Variants in PRH1 observed in about 807,000 individuals in gnomAD.
PRH1 encodes proline rich protein HaeIII subfamily 1.
A neutral mutation model predicts 7.9 loss-of-function variants in PRH1; 7 were observed. The ratio of observed to expected loss-of-function variants is 0.89; its 90% CI spans 0.50 to 1.67. The LOEUF is 1.67. PRH1 is among the 40% of genes most tolerant of loss of function. PRH1 has a pLI of 0.00. For missense variants in PRH1, 109 were observed against 223.6 expected (o/e 0.49, Z 3.27); for synonymous variants, 45 against 80.8 (o/e 0.56, Z 2.38).
At chr12:11,103,461 T>C (rs1010126840) in intron 1 of PRH1, among the ~76,000 whole-genome samples, 2 of 151,792 alleles carry the variant, frequency 1.3e-5, no homozygotes, top group African/African-American at 4.8e-5. Flanking sequence ...ACTCCACGTG[T>C]TCTCACTCAT....
chr12:11,049,174 G>A (rs1474990228), upstream of PRH1: 3 of 1,140,438 alleles, frequency 2.6e-6, no homozygotes, highest in East Asian at 5.8e-5. Context: ...ACCTACTAGA[G>A]CTATGAAGCC....
intron 1 of PRH1, among the ~76,000 whole-genome samples, chr12:11,110,602 C>A (rs532200427): frequency 8.5e-5 from 13 of 152,256 alleles, no homozygotes; most frequent in Non-Finnish European, 1.8e-4. Flanking sequence ...CAAGCAAATG[C>A]TAAGAGATTT....
chr12:11,000,839 T>C (rs1344504123), intron 1 of PRH1, among the ~76,000 whole-genome samples: 1 of 152,132 alleles, frequency 6.6e-6, no homozygotes, highest in African/African-American at 2.4e-5. Flanking sequence ...ACTCTGTCTA[T>C]TGGATTCTCA....
chr12:11,061,450 C>T, intron 1 of PRH1: 1 of 1,614,124 alleles, frequency 6.2e-7, no homozygotes, highest in Non-Finnish European at 8.5e-7. Context: ...CTTCTTGTTT[C>T]CCCAAATCAG....
chr12:10,996,118 C>A (rs1940216584), intron 1 of PRH1, among the ~76,000 whole-genome samples: 1 of 151,484 alleles, frequency 6.6e-6, no homozygotes, highest in Admixed American at 6.6e-5. Context: ...GAGTTCGAGA[C>A]CAGCCTGGCC....
At chr12:10,987,373 A>G (rs1166127701) in intron 1 of PRH1, among the ~76,000 whole-genome samples, 1 of 152,112 alleles carries the variant, frequency 6.6e-6, no homozygotes, top group African/African-American at 2.4e-5. Flanking sequence ...CGGATTTACT[A>G]TTTATGCTAC....
intron 2 of PRH1, among the ~76,000 whole-genome samples, chr12:10,907,768 C>G (rs976403909): frequency 6.6e-6 from 1 of 151,840 alleles, no homozygotes; most frequent in African/African-American, 2.4e-5. Context: ...GTAAATTATA[C>G]CTCAATAATA....
At chr12:11,137,828 A>C (rs1304468500) in intron 1 of PRH1, among the ~76,000 whole-genome samples, 3 of 152,164 alleles carry the variant, frequency 2.0e-5, no homozygotes, top group Non-Finnish European at 2.9e-5. Context: ...ATTTAATGAG[A>C]TAGATGTGGA....
chr12:11,015,205 G>A (rs183586612), intron 1 of PRH1, among the ~76,000 whole-genome samples: 1 of 152,402 alleles, frequency 6.6e-6, no homozygotes, highest in East Asian at 1.9e-4. Context: ...CCACACATGT[G>A]AGCAGCCCAC....
At chr12:11,030,654 A>G (rs1942151056) in intron 1 of PRH1, 1 of 1,614,212 alleles carries the variant, frequency 6.2e-7, no homozygotes, top group Non-Finnish European at 8.5e-7. Context: ...ACAGTTTGCA[A>G]AGCTTTTATG....
At chr12:11,016,268 A>C (rs1941288544) in intron 1 of PRH1, among the ~76,000 whole-genome samples, 1 of 152,164 alleles carries the variant, frequency 6.6e-6, no homozygotes, top group Non-Finnish European at 1.5e-5. Flanking sequence ...TCTGCTCCAA[A>C]GGTGAAGTGG....
At chr12:10,922,024 C>G (rs999706304) in intron 2 of PRH1, among the ~76,000 whole-genome samples, 5 of 152,196 alleles carry the variant, frequency 3.3e-5, no homozygotes, top group African/African-American at 1.2e-4. Flanking sequence ...CCTGTCTTGA[C>G]CTCCCAATGT....
At chr12:11,117,880 A>T (rs1945775237), downstream of PRH1, among the ~76,000 whole-genome samples, 1 of 152,212 alleles carries the variant, frequency 6.6e-6, no homozygotes, top group Non-Finnish European at 1.5e-5. Context: ...GAAGAATGAA[A>T]CTAGGCCCAT....
At chr12:10,904,765 C>A (rs1949778226) in intron 2 of PRH1, among the ~76,000 whole-genome samples, 1 of 152,160 alleles carries the variant, frequency 6.6e-6, no homozygotes, top group South Asian at 2.1e-4. Context: ...GTAAGATTTG[C>A]AAACTATGCA....
chr12:11,122,688 G>A (rs1029101723), intron 1 of PRH1, among the ~76,000 whole-genome samples: 1 of 152,268 alleles, frequency 6.6e-6, no homozygotes, highest in Non-Finnish European at 1.5e-5. Context: ...AAATCTCTTA[G>A]AGTTATACAT....
At chr12:11,048,891 CT>C, upstream of PRH1, 1 of 268,632 alleles carries the variant, frequency 3.7e-6, no homozygotes. Flanking sequence ...TAATCCTTTT[CT>C]TTAGGTGGAG....
chr12:11,031,293 C>T, intron 1 of PRH1: 1 of 1,613,754 alleles, frequency 6.2e-7, no homozygotes, highest in African/African-American at 1.3e-5. Flanking sequence ...ACAAATAGAA[C>T]CACTACCACA....
At chr12:11,132,822 A>G (rs1270744862) in intron 1 of PRH1, 1 of 153,778 alleles carries the variant, frequency 6.5e-6, no homozygotes, top group African/African-American at 2.4e-5. Context: ...TTAGTGATTA[A>G]GAATTGAACG....
intron 1 of PRH1, chr12:11,006,130 C>A (rs906823438): frequency 6.6e-6 from 1 of 151,904 alleles, no homozygotes; most frequent in Non-Finnish European, 1.5e-5. Flanking sequence ...CTTCATATAC[C>A]GACGATTCTG....
Sources: allele counts gnomAD v4.1 joint callset (sites outside exome capture counted in the v4.1 genomes callset), GRCh38; gene constraint gnomAD v4.1.1; transcripts MANE v1.5; gene names NCBI Gene and HGNC (gene_info 2026-07-23, HGNC 2026-07-21).